MCM3AP: variants seen among roughly 807,000 people sequenced by gnomAD.
MCM3AP encodes the protein minichromosome maintenance complex component 3 associated protein.
In MCM3AP, 126 loss-of-function variants were observed where a neutral mutation model predicts 184.1. The observed-to-expected ratio is 0.68, with a 90% CI of 0.59 to 0.79. MCM3AP has a LOEUF of 0.79. Ranked by LOEUF, MCM3AP falls within the 30% of genes least tolerant of loss-of-function variation. The probability of loss-of-function intolerance (pLI) is 0.00; values close to 1 mark genes in which losing one functional copy is unlikely to be tolerated. For synonymous variants in MCM3AP, 1,002 were observed against 979.3 expected (o/e 1.02, Z -0.43); for missense variants, 2,496 against 2,479.2 (o/e 1.01, Z -0.14).
intron 6 of MCM3AP, 79 bp downstream of exon 6, chr21:46,275,106 AC>A: frequency 6.9e-7 from 1 of 1,455,990 alleles, no homozygotes; most frequent in Non-Finnish European, 9.1e-7. Context: ...TAAAACAAAC[AC>A]CCAAATCAAG....
At position 46,254,456 on chromosome 21, in the gene MCM3AP, C is replaced by T. The variant is rs1248343400; in HGVS notation, c.4072G>A (p.Val1358Met). 1.5e-5 allele frequency: 24 copies of T among 1,614,188 alleles called. No individual in the cohort carries two copies. Among genetic ancestry groups the T allele is most frequent in the Non-Finnish European group, 2.0e-5 (24 of 1,180,044 alleles). Residue 1358 changes from valine (V) to methionine (M), a missense_variant, in exon 19 of 28, where the codon GTG becomes ATG. By Grantham distance (21) the Val-to-Met change is conservative. This residue lies in a region of MCM3AP where 1,323 missense variants were observed against 1,273.4 expected (regional missense o/e 1.04). Coordinates refer to ENST00000291688, the MANE Select transcript of MCM3AP (RefSeq NM_003906.5). ...AEHLPGRQEH[V>M]FWKLVLVLPD... ...AACACCAGCACCAGCTTCCAAAACA[C>T]ATGCTCCTGCCTCCCAGGGAGGTGC...
rs200585330 is a variant in MCM3AP, at chr21:46,267,171, C to G, written c.2629-29G>C. 2.5e-5 allele frequency: 40 copies of G among 1,604,544 alleles called. No homozygotes were observed. The East Asian group carries it at 7.9e-4, about 32-fold the overall frequency. On this transcript the variant is annotated intron_variant, in intron 9 of 27. Coordinates refer to ENST00000291688, the MANE Select transcript of MCM3AP (RefSeq NM_003906.5). ...AGAGGAGGAGCGAAATCACTGCAGT[C>G]TCAGACGAAGGCCCAGTCAGACACA...
chr21:46,255,474 A>G (rs899007533), intron 17 of MCM3AP, among the ~76,000 whole-genome samples: 6 of 152,212 alleles, frequency 3.9e-5, no homozygotes, highest in African/African-American at 1.4e-4. Flanking sequence ...GGAAGCTGGC[A>G]GACAGGTGCT....
Position 46,258,948 on chromosome 21 carries a change from T to TA in MCM3AP, c.3724dup (p.Tyr1242LeufsTer48), listed in dbSNP as rs763900433. On this transcript the variant is annotated frameshift_variant, in exon 16 of 28. Coordinates refer to ENST00000291688, the MANE Select transcript of MCM3AP (RefSeq NM_003906.5). LOFTEE classifies it high-confidence loss of function. ...GGAACACAGGACTCACCGCTGTAGATACTTGCAGAAGCACTGAAGCTCCTG... is the reference window on the plus strand; with the variant it reads ...GGAACACAGGACTCACCGCTGTAGATAACTTGCAGAAGCACTGAAGCTCCTG... The TA allele has an allele frequency of 6.2e-7, 1 of 1,614,172 alleles. No individual in the cohort carries two copies.
At position 46,265,352 on chromosome 21, in the gene MCM3AP, G is replaced by A. The variant is rs981884529; in HGVS notation, c.3203C>T (p.Pro1068Leu). ...FQLSVQPEPP[P>L]PEPVPMYSDE... is the part of the protein sequence containing the mutation. ...AGAGTACATGGGCACGGGCTCTGGA[G>A]GCGGTGGTTCAGGCTGCACAGACAG... Residue 1068 changes from proline to leucine, a missense_variant, in exon 12 of 28, where the codon CCT becomes CTT. This residue lies in a region of MCM3AP where 1,323 missense variants were observed against 1,273.4 expected (regional missense o/e 1.04). Coordinates refer to ENST00000291688, the MANE Select transcript of MCM3AP (RefSeq NM_003906.5). 32 of 1,613,890 alleles carry A rather than the reference G, an allele frequency of 2.0e-5. No individual in the cohort carries two copies. Among genetic ancestry groups the A allele is most frequent in the Non-Finnish European group, 2.4e-5 (28 of 1,180,030 alleles).
Position 46,283,687 on chromosome 21 carries a change from G to T in MCM3AP, c.1371C>A (p.Gly457=). Residue 457 remains glycine (G), a synonymous_variant, in exon 2 of 28, where the codon GGC becomes GGA. Coordinates refer to ENST00000291688, the MANE Select transcript of MCM3AP (RefSeq NM_003906.5). ...AGATGCGCTGCACTTTAGCAATTTT[G>T]CCAAAATGGTTCTCCAGAATGGTCC... ...NDRTILENHF[G]KIAKVQRIFT... 1 of 1,614,104 alleles carries T rather than the reference G, an allele frequency of 6.2e-7. No homozygotes were observed. Among genetic ancestry groups the T allele is most frequent in the Non-Finnish European group, 8.5e-7 (1 of 1,179,996 alleles).
chr21:46,246,562 C>A, intron 21 of MCM3AP, 66 bp downstream of exon 21: 1 of 1,591,906 alleles, frequency 6.3e-7, no homozygotes, highest in Non-Finnish European at 8.6e-7. Flanking sequence ...GGACCATCCT[C>A]AGACCCAGGG....
rs55695472 is a variant in MCM3AP at position 46,258,737 on chromosome 21, A to ATGTGTGTGTGTGTGTG, written c.3734+186_3734+201dup. On this transcript the variant is annotated intron_variant, in intron 16 of 27. Transcript: ENST00000291688. ...CTCCTGACTTTTCCCCTTATATTGT[A>ATGTGTGTGTGTGTGTG]TGTGTGTGTGTGTGTGTGTGTAATC... 0.27 allele frequency among the ~76,000 whole-genome samples: 40,484 copies of ATGTGTGTGTGTGTGTG among 149,918 alleles called. 5,625 individuals carry two copies. Among genetic ancestry groups the ATGTGTGTGTGTGTGTG allele is most frequent in the Admixed American group, 0.35 (5,304 of 14,988 alleles).
rs369063158 is a variant in MCM3AP, at chr21:46,254,490, G to A, written c.4038C>T (p.Leu1346=). 16 of 1,613,982 alleles carry A rather than the reference G, an allele frequency of 9.9e-6. No homozygotes were observed. Among genetic ancestry groups the A allele is most frequent in the Middle Eastern group, 1.6e-4 (1 of 6,084 alleles). ...GCCTCCCAGGGAGGTGCTCAGCCAC[G>A]AGGGATGGCAGGTCCAGAGACGCCC... ...VAWASLDLPS[L]VAEHLPGRQE... The change falls in exon 19 of 28, where the codon CTC becomes CTT. Residue 1346 remains leucine, a synonymous_variant. Transcript: ENST00000291688.
At chr21:46,261,192 C>T (rs1326664566) in intron 14 of MCM3AP, 88 bp downstream of exon 14, 2 of 1,511,384 alleles carry the variant, frequency 1.3e-6, no homozygotes, top group African/African-American at 1.4e-5. Context: ...GCACAGTGGA[C>T]AATAGCAGGA....
chr21:46,285,024 T>A lies in MCM3AP; in HGVS notation c.263A>T (p.Glu88Val). ...TSSVGPFSGL[E>V]HTSTFVATSG... Reference sequence around the variant, plus strand: ...GGTAGCCACAAAGGTGGAAGTGTGCTCAAGTCCAGAAAAGGGTCCAACACT... The same window carrying A: ...GGTAGCCACAAAGGTGGAAGTGTGCACAAGTCCAGAAAAGGGTCCAACACT... Residue 88 changes from glutamate to valine, a missense_variant, in exon 1 of 28, where the codon GAG (glutamate) becomes GTG (valine). By Grantham distance (121) the Glu-to-Val change is moderately radical. Around this residue, in one of 5 missense-constraint regions of MCM3AP, gnomAD observed 800 missense variants for 717.1 expected, o/e 1.12. Transcript: ENST00000291688. 6.2e-7 allele frequency: 1 copy of A among 1,614,154 alleles called. No individual in the cohort carries two copies. Among genetic ancestry groups the A allele is most frequent in the South Asian group, 1.1e-5 (1 of 91,078 alleles).
At chr21:46,280,860 C>T (rs1031447050) in intron 2 of MCM3AP, among the ~76,000 whole-genome samples, 3 of 151,756 alleles carry the variant, frequency 2.0e-5, no homozygotes, top group Non-Finnish European at 2.9e-5. Context: ...GGCTGGAGTG[C>T]GGTGGTGAGA....
chr21:46,259,589 G>A (rs2081013174), intron 15 of MCM3AP, among the ~76,000 whole-genome samples: 1 of 151,916 alleles, frequency 6.6e-6, no homozygotes, highest in African/African-American at 2.4e-5. Flanking sequence ...GGCCATCATG[G>A]TAGAACCCCG....
intron 23 of MCM3AP, among the ~76,000 whole-genome samples, chr21:46,244,037 T>C (rs2080721984): frequency 6.6e-6 from 1 of 152,234 alleles, no homozygotes. Flanking sequence ...TCTTAGCTTA[T>C]TTTGGGGAAC....
chr21:46,280,950 G>A (rs1047698842), intron 2 of MCM3AP, among the ~76,000 whole-genome samples: 8 of 151,998 alleles, frequency 5.3e-5, no homozygotes, highest in African/African-American at 1.2e-4. Context: ...GACTACAGGC[G>A]CCCGCCACCA....
At position 46,283,691 on chromosome 21, in the gene MCM3AP, A is replaced by C; in HGVS notation, c.1367T>G (p.Phe456Cys). ...GCGCTGCACTTTAGCAATTTTGCCAAAATGGTTCTCCAGAATGGTCCTGTC... is the reference window on the plus strand; with the variant it reads ...GCGCTGCACTTTAGCAATTTTGCCACAATGGTTCTCCAGAATGGTCCTGTC... ...LNDRTILENH[F>C]GKIAKVQRIF... Residue 456 changes from phenylalanine to cysteine, a missense_variant, in exon 2 of 28, where the codon TTT becomes TGT. This residue lies in a region of MCM3AP where 800 missense variants were observed against 717.1 expected (regional missense o/e 1.12). Coordinates refer to ENST00000291688, the MANE Select transcript of MCM3AP (RefSeq NM_003906.5). The C allele has an allele frequency of 6.2e-7, 1 of 1,614,194 alleles. No homozygotes were observed. Among genetic ancestry groups the C allele is most frequent in the Non-Finnish European group, 8.5e-7 (1 of 1,180,020 alleles).
rs1049737531 is a variant in MCM3AP at position 46,251,503 on chromosome 21, G to A, written c.4290+26C>T. On this transcript the variant is annotated intron_variant, in intron 20 of 27. Transcript: ENST00000291688. ...AAGTGAAAGTAATGAAAACACAGAA[G>A]TAAACACAAAGTAATTATAGTTCAC... 1.9e-6 allele frequency: 3 copies of A among 1,567,986 alleles called. No homozygotes were observed. In the Admixed American group the frequency reaches 5.1e-5, roughly 27 times the overall value.
At chr21:46,251,366 T>TG (rs2080865132) in intron 20 of MCM3AP, 163 bp downstream of exon 20, 41 of 482,066 alleles carry the variant, frequency 8.5e-5, no homozygotes, top group Non-Finnish European at 1.3e-4. Flanking sequence ...TAAAAAAATT[T>TG]TTTAAACGAC....
intron 18 of MCM3AP, 43 bp downstream of exon 18, chr21:46,254,733 G>A (rs200862292): frequency 1.8e-5 from 28 of 1,571,370 alleles, no homozygotes; most frequent in Admixed American, 1.2e-4. Flanking sequence ...ATTGGGGAAC[G>A]GGGATCACCA....
Sources: allele counts gnomAD v4.1 joint callset (sites outside exome capture counted in the v4.1 genomes callset), GRCh38; gene constraint gnomAD v4.1.1; regional missense constraint gnomAD v4.1.1; transcripts MANE v1.5; gene names NCBI Gene and HGNC (gene_info 2026-07-23, HGNC 2026-07-21).